The following UEVLD variants were observed in gnomAD, a reference collection of about 807,000 sequenced individuals.
UEVLD encodes ubiquitin-conjugating enzyme E2 variant 3.
In UEVLD, 47 loss-of-function variants were observed where a neutral mutation model predicts 58.6. The ratio of observed to expected loss-of-function variants is 0.80; its 90% CI spans 0.63 to 1.02. The LOEUF (loss-of-function observed/expected upper bound fraction) is 1.02, where lower values mean the gene tolerates loss of function less well. Ranked by LOEUF, UEVLD falls within the 50% of genes least tolerant of loss-of-function variation. The pLI is 0.00. For synonymous variants in UEVLD, 197 were observed against 195.3 expected (o/e 1.01, Z -0.07); for missense variants, 510 against 550.6 (o/e 0.93, Z 0.74).
intron 1 of UEVLD, 61 bp from the exon 2 acceptor site, chr11:18,578,869 G>T: frequency 1.5e-6 from 2 of 1,290,354 alleles, no homozygotes; most frequent in Non-Finnish European, 2.2e-6. Flanking sequence ...AACAATTGCA[G>T]TTAACTTTTT....
At position 18,566,429 on chromosome 11, in the gene UEVLD, C is replaced by G; in HGVS notation, c.411G>C (p.Glu137Asp). The G allele has an allele frequency of 6.2e-7, 1 of 1,614,108 alleles. No homozygotes were observed. The highest frequency in any genetic ancestry group is 8.5e-7 in the Non-Finnish European group (1 of 1,180,018). Reference protein sequence around the residue: ...LIKEMIAKFQEELPMYSLSSS... With the variant: ...LIKEMIAKFQDELPMYSLSSS... Reference sequence around the variant, plus strand: ...ATGATAGAGAATACATGGGAAGTTCCTCTTGAAACTTGGCAATCATTTCTT... The same window carrying G: ...ATGATAGAGAATACATGGGAAGTTCGTCTTGAAACTTGGCAATCATTTCTT... Residue 137 changes from glutamate (E) to aspartate (D), a missense_variant, in exon 5 of 12, where the codon GAG becomes GAC. Transcript: ENST00000396197.
chr11:18,552,276 G>A (rs1347412906), intron 7 of UEVLD, among the ~76,000 whole-genome samples: 1 of 152,240 alleles, frequency 6.6e-6, no homozygotes, highest in African/African-American at 2.4e-5. Context: ...TAGGTGCAGT[G>A]GCTCACGCCT....
intron 3 of UEVLD, among the ~76,000 whole-genome samples, chr11:18,573,345 G>A (rs1852728920): frequency 6.6e-6 from 1 of 152,134 alleles, no homozygotes; most frequent in South Asian, 2.1e-4. Flanking sequence ...CTCTCAGAAT[G>A]AATCACCTTA....
At chr11:18,578,988 C>T (rs1023243776) in intron 1 of UEVLD, among the ~76,000 whole-genome samples, 180 bp from the exon 2 acceptor site, 1 of 152,158 alleles carries the variant, frequency 6.6e-6, no homozygotes, top group African/African-American at 2.4e-5. Flanking sequence ...TTGCCTCAGC[C>T]TCCTGAGTTG....
At chr11:18,575,517 C>T (rs1299661752) in intron 2 of UEVLD, 105 bp from the exon 3 acceptor site, 6 of 977,738 alleles carry the variant, frequency 6.1e-6, no homozygotes, top group Non-Finnish European at 9.2e-6. Flanking sequence ...TATACACACA[C>T]AAATACACAC....
intron 1 of UEVLD, among the ~76,000 whole-genome samples, chr11:18,581,280 G>GT (rs1319189258): frequency 6.6e-6 from 1 of 151,870 alleles, no homozygotes; most frequent in Non-Finnish European, 1.5e-5. Flanking sequence ...GTATACAATA[G>GT]TAAGTACAGG....
chr11:18,536,303 T>C, intron 10 of UEVLD, 103 bp downstream of exon 10: 1 of 1,096,372 alleles, frequency 9.1e-7, no homozygotes, highest in Non-Finnish European at 1.4e-6. Flanking sequence ...CCATATTAGT[T>C]TTGTTTCCAG....
At chr11:18,574,211 G>A (rs376929059) in intron 3 of UEVLD, among the ~76,000 whole-genome samples, 14 of 152,248 alleles carry the variant, frequency 9.2e-5, no homozygotes, top group African/African-American at 3.1e-4. Context: ...GCACAATCTC[G>A]GCTCACTGCA....
At chr11:18,555,058 GGAGA>G (rs1276089437) in intron 7 of UEVLD, among the ~76,000 whole-genome samples, 2 of 152,146 alleles carry the variant, frequency 1.3e-5, no homozygotes, top group African/African-American at 4.8e-5. Flanking sequence ...GGGAGGCCAA[GGAGA>G]GAGAACGGCT....
At chr11:18,546,174 T>C (rs1184626708) in intron 8 of UEVLD, among the ~76,000 whole-genome samples, 2 of 152,186 alleles carry the variant, frequency 1.3e-5, no homozygotes. Context: ...CAAAACAACC[T>C]GCAAAATACA....
At chr11:18,533,499 T>C (rs1298441835) in intron 11 of UEVLD, among the ~76,000 whole-genome samples, 1 of 152,052 alleles carries the variant, frequency 6.6e-6, no homozygotes, top group Non-Finnish European at 1.5e-5. Flanking sequence ...AATTTATGGA[T>C]ATATAAACAC....
In UEVLD at chr11:18,532,338, T is replaced by C. The variant is rs1293667710; in HGVS notation, c.1398A>G (p.Gln466=). The part of the protein sequence containing the change: ...QSSASSIHSL[Q]QQLKL ...TTGAGAATCAAAGTTTTAACTGTTGTTGGAGACTGTGGATTGAGGATGCAC... is the reference window on the plus strand; with the variant it reads ...TTGAGAATCAAAGTTTTAACTGTTGCTGGAGACTGTGGATTGAGGATGCAC... The change falls in exon 12 of 12, where the codon CAA becomes CAG. Residue 466 remains glutamine, a synonymous_variant. Transcript: ENST00000396197. The C allele has an allele frequency of 6.2e-6, 10 of 1,608,888 alleles. No individual in the cohort carries two copies. The highest frequency in any genetic ancestry group is 8.5e-6 in the Non-Finnish European group (10 of 1,178,334).
intron 9 of UEVLD, 53 bp from the exon 10 acceptor site, chr11:18,536,522 G>T: frequency 6.9e-7 from 1 of 1,455,146 alleles, no homozygotes; most frequent in Non-Finnish European, 9.6e-7. Context: ...TTTGGATTAA[G>T]ATGTGATAAC....
At chr11:18,550,615 G>A (rs919135337) in intron 7 of UEVLD, among the ~76,000 whole-genome samples, 2 of 152,174 alleles carry the variant, frequency 1.3e-5, no homozygotes, top group Non-Finnish European at 2.9e-5. Context: ...CTAATCAGTT[G>A]AAAGCAATCT....
rs913889901 is a variant in UEVLD at position 18,583,370 on chromosome 11, G to C, written c.43-4562C>G. 2.7e-5 allele frequency among the ~76,000 whole-genome samples: 4 copies of C among 150,938 alleles called. No individual in the cohort carries two copies. The South Asian group carries it at 8.4e-4, about 32-fold the overall frequency. ...CAAATAGCTGGGATTACAGGCACCC[G>C]CCACCATGTCTGGCTTTTTTGTGTT... On this transcript the variant is annotated intron_variant, in intron 1 of 11. Coordinates refer to ENST00000396197, the MANE Select transcript of UEVLD (RefSeq NM_001040697.4).
chr11:18,549,562 G>A (rs993477689), intron 7 of UEVLD, among the ~76,000 whole-genome samples: 22 of 151,936 alleles, frequency 1.4e-4, no homozygotes, highest in Non-Finnish European at 2.5e-4. Context: ...GGGATTACAG[G>A]TGCCCGCCAC....
In UEVLD at chr11:18,534,339, A is replaced by T. The variant is rs1850698459; in HGVS notation, c.1239T>A (p.Ala413=). ...TAAGAATAGCAATTACCTTTGCTAAAGCTGATACAGAATGCACTTTCTTCT... is the reference window on the plus strand; with the variant it reads ...TAAGAATAGCAATTACCTTTGCTAATGCTGATACAGAATGCACTTTCTTCT... ...NNKKKVHSVS[A]LAKGYYDINS... is the part of the protein sequence containing the mutation. Residue 413 remains alanine, a synonymous_variant, in exon 11 of 12, where the codon GCT becomes GCA. Coordinates refer to ENST00000396197, the MANE Select transcript of UEVLD (RefSeq NM_001040697.4). 1.3e-6 allele frequency: 2 copies of T among 1,537,500 alleles called. No homozygotes were observed. The highest frequency in any genetic ancestry group is 1.7e-6 in the Non-Finnish European group (2 of 1,151,024).
chr11:18,579,361 T>C (rs779707632), intron 1 of UEVLD: 14 of 742,590 alleles, frequency 1.9e-5, no homozygotes, highest in Non-Finnish European at 2.1e-5. Context: ...GCAAGTTAAA[T>C]AGTGAAGCCC....
chr11:18,563,920 G>A (rs868325477), intron 6 of UEVLD: 58 of 221,994 alleles, frequency 2.6e-4, no homozygotes, highest in African/African-American at 1.2e-3. Flanking sequence ...CAGGAGAATC[G>A]CTTGAACCCA....
Sources: gnomAD v4.1 joint callset for allele counts (sites outside exome capture counted in the v4.1 genomes callset) on GRCh38, gnomAD v4.1.1 for gene constraint, MANE v1.5 for transcripts, NCBI Gene and HGNC (gene_info 2026-07-23, HGNC 2026-07-21) for gene names.